Variants in NYAP1 observed in about 807,000 individuals in gnomAD.
NYAP1 encodes the protein neuronal tyrosine phosphorylated phosphoinositide-3-kinase adaptor 1, also known as neuronal tyrosine-phosphorylated phosphoinositide-3-kinase adapter 1.
A neutral mutation model predicts 58.6 loss-of-function variants in NYAP1; 20 were observed. That is an observed-to-expected ratio of 0.34 (90% CI 0.24 to 0.50). The LOEUF is 0.50. Among genes scored for constraint, NYAP1 ranks in the 20% least tolerant of loss-of-function variants. The pLI, the probability that NYAP1 is intolerant of heterozygous loss-of-function variation, is 0.98. For missense variants in NYAP1, 1,150 were observed against 1,194.5 expected (o/e 0.96, Z 0.55); for synonymous variants, 572 against 523.1 (o/e 1.09, Z -1.27).
In NYAP1 at chr7:100,486,264, G is replaced by A. The variant is rs999994817; in HGVS notation, c.69-557G>A. 1.3e-5 allele frequency among the ~76,000 whole-genome samples: 2 copies of A among 152,080 alleles called. No individual in the cohort carries two copies. The highest frequency in any genetic ancestry group is 1.3e-4 in the Admixed American group (2 of 15,268). On this transcript the variant is annotated intron_variant, in intron 2 of 6. Transcript: ENST00000300179. The surrounding 1 kb of genome is among the most constrained non-coding windows in gnomAD (Gnocchi z 6.2). ...GTGGAATGGAATGGGGGTGAGCCGG[G>A]GAGGCTGACAGAGAGAGAACAGCAC...
Position 100,489,350 on chromosome 7 carries a change from C to A in NYAP1, c.1629C>A (p.Gly543=). The change falls in exon 4 of 7, where the codon GGC becomes GGA. Residue 543 remains glycine (G), a synonymous_variant. Coordinates refer to ENST00000300179, the MANE Select transcript of NYAP1 (RefSeq NM_173564.4). ...ACAGCCTTCCGGACCCAACTGTAGGCCCCCTGACCCCGCTGTGGACCTACC... is the reference window on the plus strand; with the variant it reads ...ACAGCCTTCCGGACCCAACTGTAGGACCCCTGACCCCGCTGTGGACCTACC... ...SPHSLPDPTV[G]PLTPLWTYPA... The A allele has an allele frequency of 6.2e-7, 1 of 1,611,264 alleles. No homozygotes were observed. The highest frequency in any genetic ancestry group is 1.1e-5 in the South Asian group (1 of 90,944).
intron 6 of NYAP1, among the ~76,000 whole-genome samples, chr7:100,493,431 T>C (rs1053412162): frequency 2.0e-5 from 3 of 152,146 alleles, no homozygotes; most frequent in Non-Finnish European, 4.4e-5. Context: ...TGCACCTGTC[T>C]AGGAAGACTA....
rs1475809324 is a variant in NYAP1, at chr7:100,485,099, TTCTG to T, written c.-84-123_-84-120del. ...TGGGTCCTCGAAGCTGTGTTGGGTT[TTCTG>T]TCTGTGTTTTCCTCTCTGAGGACCC... On this transcript the variant is annotated intron_variant, in intron 1 of 6. Transcript: ENST00000300179. The surrounding 1 kb of genome is among the most constrained non-coding windows in gnomAD (Gnocchi z 5.7). The T allele has an allele frequency of 6.9e-6, 4 of 580,356 alleles. No homozygotes were observed. The highest frequency in any genetic ancestry group is 6.2e-6 in the Non-Finnish European group (2 of 324,364). 36.0% of individuals were successfully genotyped at this position (580,356 alleles called of 1,614,324 possible).
Position 100,489,212 on chromosome 7 carries a change from G to C in NYAP1, c.1491G>C (p.Gly497=), listed in dbSNP as rs1799756043. The change falls in exon 4 of 7, where the codon GGG becomes GGC. Residue 497 remains glycine, a synonymous_variant. Transcript: ENST00000300179. ...AGAAGGAGATCTCGGTCCTCCATGGGATGCTGTGTACCAGCTCAAGGCCCC... is the reference window on the plus strand; with the variant it reads ...AGAAGGAGATCTCGGTCCTCCATGGCATGCTGTGTACCAGCTCAAGGCCCC... ...KTEKEISVLH[G]MLCTSSRPPV... The C allele has an allele frequency of 6.2e-7, 1 of 1,609,956 alleles. No individual in the cohort carries two copies. The highest frequency in any genetic ancestry group is 1.3e-5 in the African/African-American group (1 of 74,980).
chr7:100,487,164 C>T lies in NYAP1; in HGVS notation c.412C>T (p.Pro138Ser). The T allele has an allele frequency of 2.0e-6, 3 of 1,490,430 alleles. No homozygotes were observed. The highest frequency in any genetic ancestry group is 2.8e-5 in the South Asian group (2 of 72,020). 92.3% of individuals were successfully genotyped at this position (1,490,430 alleles called of 1,614,324 possible). ...GGGGCCTGGGTCTGGGGCAGAGACG[C>T]CCCCCAGCAAGAAAGCAGGTGAGAT... ...MVGPGSGAET[P>S]PSKKAGSQKP... Residue 138 changes from proline to serine, a missense_variant, in exon 3 of 7, where the codon CCC becomes TCC. By Grantham distance (74) the Pro-to-Ser change is moderately conservative. Transcript: ENST00000300179. This position sits in a 1 kb window ranked among gnomAD's most constrained non-coding sequence, Gnocchi z 4.1.
Position 100,488,335 on chromosome 7 carries a change from A to G in NYAP1, c.614A>G (p.Asp205Gly), listed in dbSNP as rs961078891. Residue 205 changes from aspartate (D) to glycine (G), a missense_variant, in exon 4 of 7, where the codon GAC becomes GGC. Physicochemically the swap from Asp to Gly is moderately conservative, Grantham distance 94 (BLOSUM62 -1). Transcript: ENST00000300179. The surrounding 1 kb of genome is among the most constrained non-coding windows in gnomAD (Gnocchi z 5.9). ...RLTRGSRVAG[D>G]PDVGAQEEPV... Reference sequence around the variant, plus strand: ...ACTAGGGGGTCCCGAGTAGCTGGGGACCCTGATGTGGGTGCCCAGGAAGAG... The same window carrying G: ...ACTAGGGGGTCCCGAGTAGCTGGGGGCCCTGATGTGGGTGCCCAGGAAGAG... The G allele has an allele frequency of 1.8e-5, 29 of 1,607,516 alleles. No homozygotes were observed. The highest frequency in any genetic ancestry group is 2.5e-5 in the Non-Finnish European group (29 of 1,177,998).
At chr7:100,489,692 C>G (rs1799767418) in intron 4 of NYAP1, 26 bp downstream of exon 4, 5 of 107,382 alleles carry the variant, frequency 4.7e-5, no homozygotes, top group Middle Eastern at 2.5e-3. Flanking sequence ...GGAGTGGGGG[C>G]TGGCATCAGG....
chr7:100,491,582 G>A (rs1799796156), intron 6 of NYAP1, among the ~76,000 whole-genome samples: 2 of 151,754 alleles, frequency 1.3e-5, no homozygotes, highest in Non-Finnish European at 2.9e-5. Context: ...GAGCCACAGA[G>A]TGAGACCCTG....
chr7:100,489,369 A>C lies in NYAP1; in HGVS notation c.1648A>C (p.Thr550Pro). Reference sequence around the variant, plus strand: ...TGTAGGCCCCCTGACCCCGCTGTGGACCTACCCAGCCACAGCAGCTGGGCT... The same window carrying C: ...TGTAGGCCCCCTGACCCCGCTGTGGCCCTACCCAGCCACAGCAGCTGGGCT... The part of the protein sequence containing the change: ...PTVGPLTPLW[T>P]YPATAAGLKR... The change falls in exon 4 of 7, where the codon ACC (threonine) becomes CCC (proline). Residue 550 changes from threonine to proline, a missense_variant. By Grantham distance (38) the Thr-to-Pro change is conservative (BLOSUM62 -1). Transcript: ENST00000300179. 6.2e-7 allele frequency: 1 copy of C among 1,612,280 alleles called. No individual in the cohort carries two copies. The highest frequency in any genetic ancestry group is 8.5e-7 in the Non-Finnish European group (1 of 1,179,770).
Position 100,486,986 on chromosome 7 carries a change from G to C in NYAP1, c.234G>C (p.Met78Ile), listed in dbSNP as rs1563187899. 6.2e-7 allele frequency: 1 copy of C among 1,608,640 alleles called. No individual in the cohort carries two copies. Among genetic ancestry groups the C allele is most frequent in the African/African-American group, 1.3e-5 (1 of 74,942 alleles). Residue 78 changes from methionine to isoleucine, a missense_variant, in exon 3 of 7, where the codon ATG becomes ATC. Transcript: ENST00000300179. The surrounding 1 kb of genome is among the most constrained non-coding windows in gnomAD (Gnocchi z 6.2). ...EHTPHPCRSA[M>I]APRSLSCHSV... ...CCCCGCACCCCTGCCGCAGCGCCAT[G>C]GCCCCACGCTCCCTCTCCTGCCACT...
intron 4 of NYAP1, 31 bp downstream of exon 4, chr7:100,489,697 ATC>A: frequency 7.1e-6 from 1 of 141,284 alleles, no homozygotes; most frequent in Non-Finnish European, 1.3e-5. Context: ...GGGGGCTGGC[ATC>A]AGGGGTGGGG....
rs769530560 is a variant in NYAP1 at position 100,489,378 on chromosome 7, G to C, written c.1657G>C (p.Ala553Pro). Residue 553 changes from alanine (A) to proline (P), a missense_variant, in exon 4 of 7, where the codon GCC (alanine) becomes CCC (proline). Ala to Pro is a conservative substitution (Grantham distance 27, BLOSUM62 -1). Transcript: ENST00000300179. ...GPLTPLWTYP[A>P]TAAGLKRPPA... ...CCTGACCCCGCTGTGGACCTACCCA[G>C]CCACAGCAGCTGGGCTCAAGAGACC... 1.2e-6 allele frequency: 2 copies of C among 1,612,790 alleles called. No homozygotes were observed. Among genetic ancestry groups the C allele is most frequent in the South Asian group, 2.2e-5 (2 of 91,060 alleles).
Position 100,490,813 on chromosome 7 carries a change from C to G in NYAP1, c.2158+84C>G, listed in dbSNP as rs780838470. The G allele has an allele frequency of 6.2e-5, 80 of 1,290,416 alleles. No individual in the cohort carries two copies. Among genetic ancestry groups the G allele is most frequent in the Non-Finnish European group, 7.7e-5 (73 of 949,326 alleles). The allele number at this position is 1,290,416 out of a possible 1,614,324, so 79.9% of individuals were successfully genotyped here. On this transcript the variant is annotated intron_variant, in intron 5 of 6. Transcript: ENST00000300179. This position sits in a 1 kb window ranked among gnomAD's most constrained non-coding sequence, Gnocchi z 4.6. The stretch of plus-strand genomic sequence containing the variant: ...CTAGCTGCACCTGTCCTGACTTCCT[C>G]TCACCTGTTCACGTCTGTGCCCAGG...
intron 6 of NYAP1, among the ~76,000 whole-genome samples, chr7:100,492,641 A>G (rs570874826): frequency 8.5e-5 from 13 of 152,268 alleles, no homozygotes; most frequent in Admixed American, 6.5e-4. Flanking sequence ...GCTTACGCCT[A>G]TAATCCTAGT....
rs770913957 is a variant in NYAP1 at position 100,488,387 on chromosome 7, C to T, written c.666C>T (p.Asp222=). 14 of 1,596,364 alleles carry T rather than the reference C, an allele frequency of 8.8e-6. No homozygotes were observed. In the East Asian group the frequency reaches 1.1e-4, roughly 13 times the overall value. Residue 222 remains aspartate (D), a synonymous_variant, in exon 4 of 7, where the codon GAC becomes GAT. Coordinates refer to ENST00000300179, the MANE Select transcript of NYAP1 (RefSeq NM_173564.4). The surrounding 1 kb of genome is among the most constrained non-coding windows in gnomAD (Gnocchi z 5.9). The stretch of plus-strand genomic sequence containing the variant: ...CTGTGTACATTGAGATGGTGGGGGA[C>T]GTCTTTAGGGGAGGAGGACGAAGTG... ...EEPVYIEMVG[D]VFRGGGRSGG...
chr7:100,493,187 CTTTAA>C (rs1431639191), intron 6 of NYAP1, among the ~76,000 whole-genome samples: 1 of 152,032 alleles, frequency 6.6e-6, no homozygotes, highest in South Asian at 2.1e-4. Context: ...CAAAAATAAA[CTTTAA>C]TTTAATTTTT....
In NYAP1 at chr7:100,488,063, C is replaced by A; in HGVS notation, c.431-89C>A. On this transcript the variant is annotated intron_variant, in intron 3 of 6. Transcript: ENST00000300179. This position sits in a 1 kb window ranked among gnomAD's most constrained non-coding sequence, Gnocchi z 5.9. ...AAAGGAAGAGGCAGATATGTCCTTG[C>A]AGAAGGGTCAAGGGATCAGAATGGG... 1.1e-6 allele frequency: 1 copy of A among 923,284 alleles called. No individual in the cohort carries two copies. The highest frequency in any genetic ancestry group is 1.6e-6 in the Non-Finnish European group (1 of 611,792). The allele number at this position is 923,284 out of a possible 1,614,324, so 57.2% of individuals were successfully genotyped here.
chr7:100,489,025 C>T lies in NYAP1; in HGVS notation c.1304C>T (p.Ala435Val), dbSNP rs747216835. 1.6e-5 allele frequency: 25 copies of T among 1,550,534 alleles called. No individual in the cohort carries two copies. Among genetic ancestry groups the T allele is most frequent in the Admixed American group, 7.8e-5 (4 of 51,154 alleles). Residue 435 changes from alanine (A) to valine (V), a missense_variant, in exon 4 of 7, where the codon GCG becomes GTG. Coordinates refer to ENST00000300179, the MANE Select transcript of NYAP1 (RefSeq NM_173564.4). ...PNSHSMICPK[A>V]AGAPAAPPAP... The stretch of plus-strand genomic sequence containing the variant: ...TCCCACAGCATGATCTGCCCTAAGG[C>T]GGCGGGGGCGCCGGCAGCCCCCCCT...
At chr7:100,493,582 G>T in intron 6 of NYAP1, 64 bp from the exon 7 acceptor site, 2 of 1,403,598 alleles carry the variant, frequency 1.4e-6, no homozygotes, top group South Asian at 2.7e-5. Context: ...GTGCGGACCC[G>T]TCCGGTCATG....
Sources: gnomAD v4.1 joint callset for allele counts (sites outside exome capture counted in the v4.1 genomes callset) on GRCh38, gnomAD v4.1.1 for gene constraint, Gnocchi (gnomAD v3.1) non-coding constraint, MANE v1.5 for transcripts, NCBI Gene and HGNC (gene_info 2026-07-23, HGNC 2026-07-21) for gene names.